Variants in CCDC18 observed in about 807,000 individuals in gnomAD.
CCDC18 encodes coiled-coil domain-containing protein 18.
CCDC18 carries 157 observed loss-of-function variants against 196.0 expected under a neutral mutation model. The ratio of observed to expected loss-of-function variants is 0.80; its 90% CI spans 0.70 to 0.91. The LOEUF is 0.91. Among genes scored for constraint, CCDC18 ranks in the 40% least tolerant of loss-of-function variants. The pLI is 0.00. For synonymous variants in CCDC18, 482 were observed against 529.2 expected, an observed-to-expected ratio of 0.91 and a Z score of 1.22; for missense variants, 1,465 against 1,611.6, an observed-to-expected ratio of 0.91 and a Z score of 1.56.
chr1:93,243,814 C>A (rs558072900), intron 21 of CCDC18, among the ~76,000 whole-genome samples: 2 of 152,224 alleles, frequency 1.3e-5, no homozygotes, highest in Non-Finnish European at 2.9e-5. Context: ...AAGACCACCT[C>A]ATTCTGGACT....
intron 9 of CCDC18, among the ~76,000 whole-genome samples, chr1:93,209,640 T>C (rs1655285110): frequency 6.6e-6 from 1 of 152,260 alleles, no homozygotes; most frequent in African/African-American, 2.4e-5. Context: ...TTAGCTCCTC[T>C]GATATCTGCT....
intron 12 of CCDC18, among the ~76,000 whole-genome samples, chr1:93,215,288 T>C (rs1656294255): frequency 2.6e-5 from 4 of 152,120 alleles, no homozygotes; most frequent in Admixed American, 2.6e-4. Flanking sequence ...ATAAAGACTT[T>C]GGATTATGCT....
At chr1:93,262,082 A>G (rs1663877750) in intron 26 of CCDC18, 1 of 152,162 alleles carries the variant, frequency 6.6e-6, no homozygotes. Context: ...ACTTACTATC[A>G]TGAGAACAGC....
chr1:93,216,246 A>G (rs1044654441), intron 12 of CCDC18, among the ~76,000 whole-genome samples: 1 of 152,250 alleles, frequency 6.6e-6, no homozygotes, highest in African/African-American at 2.4e-5. Flanking sequence ...TGAACCATTG[A>G]TAATTCTACC....
intron 14 of CCDC18, 130 bp downstream of exon 14, chr1:93,217,999 C>T: frequency 1.5e-6 from 1 of 681,796 alleles, no homozygotes; most frequent in Admixed American, 2.7e-5. Context: ...TAATTAGAAT[C>T]CCAATCTTTC....
chr1:93,207,437 T>C, intron 9 of CCDC18, 39 bp downstream of exon 9: 1 of 1,438,734 alleles, frequency 7.0e-7, no homozygotes. Flanking sequence ...AGAAGAATTT[T>C]ACTAAAGTGT....
chr1:93,239,164 A>T, intron 19 of CCDC18, 146 bp from the exon 20 acceptor site: 1 of 582,682 alleles, frequency 1.7e-6, no homozygotes, highest in Admixed American at 3.4e-5. Flanking sequence ...TAGTTGGAGA[A>T]TTTTTAAAAA....
intron 27 of CCDC18, among the ~76,000 whole-genome samples, chr1:93,267,339 T>G (rs1418705213): frequency 6.6e-6 from 1 of 152,212 alleles, no homozygotes; most frequent in East Asian, 1.9e-4. Flanking sequence ...AATATCATAC[T>G]GAATGGGCAA....
At chr1:93,214,089 T>G (rs1260449249) in intron 11 of CCDC18, among the ~76,000 whole-genome samples, 1 of 152,194 alleles carries the variant, frequency 6.6e-6, no homozygotes, top group Admixed American at 6.5e-5. Context: ...TAACTACCTC[T>G]GATAACCCTC....
At chr1:93,184,970 G>T (rs1188105951) in intron 3 of CCDC18, among the ~76,000 whole-genome samples, 1 of 151,502 alleles carries the variant, frequency 6.6e-6, no homozygotes, top group Non-Finnish European at 1.5e-5. Flanking sequence ...CCTTAATTGG[G>T]AAAACAATAA....
At chr1:93,254,392 T>C (rs1331006006) in intron 23 of CCDC18, 79 bp from the exon 24 acceptor site, 1 of 1,104,994 alleles carries the variant, frequency 9.0e-7, no homozygotes, top group Non-Finnish European at 1.3e-6. Flanking sequence ...TGTTTAAAGC[T>C]TGACTTACTT....
intron 11 of CCDC18, among the ~76,000 whole-genome samples, chr1:93,213,302 G>A (rs1655973038): frequency 6.6e-6 from 1 of 151,878 alleles, no homozygotes; most frequent in Admixed American, 6.6e-5. Context: ...AGGTGTTTGT[G>A]TTTTAATGTT....
intron 26 of CCDC18, among the ~76,000 whole-genome samples, chr1:93,264,249 A>G (rs1664197948): frequency 6.6e-6 from 1 of 152,178 alleles, no homozygotes; most frequent in South Asian, 2.1e-4. Flanking sequence ...ACATACAGGA[A>G]TTACAATTCA....
At chr1:93,221,048 G>A (rs1349421578) in intron 14 of CCDC18, among the ~76,000 whole-genome samples, 1 of 152,176 alleles carries the variant, frequency 6.6e-6, no homozygotes, top group Non-Finnish European at 1.5e-5. Context: ...CATTTAGGTT[G>A]ATTCCATGTC....
chr1:93,180,818 A>G lies in CCDC18; in HGVS notation c.-37A>G. On this transcript the variant is annotated 5_prime_UTR_variant, in exon 1 of 29. Transcript: ENST00000690025. ...CCCGGGAAAGGGTCAGAGGCTTCCT[A>G]ACGCAGACTCGAGTGCGAAGCGCGC... The G allele has an allele frequency of 2.2e-6, 3 of 1,367,726 alleles. No individual in the cohort carries two copies. Among genetic ancestry groups the G allele is most frequent in the Non-Finnish European group, 2.9e-6 (3 of 1,021,986 alleles). 84.7% of individuals were successfully genotyped at this position (1,367,726 alleles called of 1,614,324 possible).
Position 93,231,372 on chromosome 1 carries a change from G to A in CCDC18, c.2293-1054G>A, listed in dbSNP as rs561750762. Among the ~76,000 whole-genome samples, 19 of 152,122 alleles carry A rather than the reference G, an allele frequency of 1.2e-4. No individual in the cohort carries two copies. The South Asian group carries it at 3.5e-3, about 28-fold the overall frequency. On this transcript the variant is annotated intron_variant, in intron 17 of 28. Transcript: ENST00000690025. ...TCAGTTTTCATTTTTCTGTTTGCAT[G>A]TATATTTTTCAAAATTATATTAATG...
chr1:93,180,302 T>C, upstream of CCDC18: 1 of 1,527,128 alleles, frequency 6.5e-7, no homozygotes, highest in Non-Finnish European at 8.8e-7. Flanking sequence ...CCGCTCCGCG[T>C]TTCCTCTCTG....
intron 3 of CCDC18, among the ~76,000 whole-genome samples, chr1:93,185,000 CA>C (rs1650382620): frequency 6.6e-6 from 1 of 151,536 alleles, no homozygotes; most frequent in East Asian, 1.9e-4. Flanking sequence ...CGATCAAAGA[CA>C]AAAGGCTAAT....
At chr1:93,274,712 G>A (rs1044003263) in intron 28 of CCDC18, among the ~76,000 whole-genome samples, 1 of 152,036 alleles carries the variant, frequency 6.6e-6, no homozygotes, top group Non-Finnish European at 1.5e-5. Flanking sequence ...AGCTGGGCAT[G>A]GTGGCGCACA....
Sources: allele counts gnomAD v4.1 joint callset (sites outside exome capture counted in the v4.1 genomes callset), GRCh38; gene constraint gnomAD v4.1.1; transcripts MANE v1.5; gene names NCBI Gene and HGNC (gene_info 2026-07-23, HGNC 2026-07-21).